Variants in EYA4 observed in about 807,000 individuals in gnomAD.
The protein encoded by EYA4 is protein phosphatase EYA4.
EYA4 carries 31 observed loss-of-function variants against 87.9 expected under a neutral mutation model. That is an observed-to-expected ratio of 0.35 (90% CI 0.27 to 0.48). The LOEUF is 0.48. EYA4 is among the 20% of genes least tolerant of loss of function. EYA4 has a pLI of 0.99. For synonymous variants in EYA4, 263 were observed against 270.6 expected (o/e 0.97, Z 0.28); for missense variants, 678 against 761.4 (o/e 0.89, Z 1.29).
intron 13 of EYA4, among the ~76,000 whole-genome samples, chr6:133,492,785 A>G (rs1797301030): frequency 6.6e-6 from 1 of 152,238 alleles, no homozygotes. Flanking sequence ...AACATACAAA[A>G]ATCAGAAGCA....
chr6:133,278,603 A>G (rs1777373961), intron 2 of EYA4, among the ~76,000 whole-genome samples: 1 of 152,210 alleles, frequency 6.6e-6, no homozygotes, highest in South Asian at 2.1e-4. Context: ...TTCTCAGAGT[A>G]GATTACTGAC....
chr6:133,382,564 G>C (rs1786316399), intron 3 of EYA4, 123 bp downstream of exon 3: 1 of 792,242 alleles, frequency 1.3e-6, no homozygotes. Context: ...AACTTATCTT[G>C]ATGGAAACTG....
chr6:133,462,276 C>A (rs1794463357), intron 7 of EYA4, 59 bp from the exon 8 acceptor site: 1 of 1,553,820 alleles, frequency 6.4e-7, no homozygotes, highest in Non-Finnish European at 8.9e-7. Flanking sequence ...TGAATCTAGG[C>A]TGTCTAAATT....
intron 2 of EYA4, among the ~76,000 whole-genome samples, chr6:133,337,254 G>A (rs1782438895): frequency 2.0e-5 from 3 of 152,150 alleles, no homozygotes; most frequent in Admixed American, 2.0e-4. Flanking sequence ...AGGCTATGCG[G>A]TAGACCTGAT....
chr6:133,244,487 T>C (rs191762041), intron 1 of EYA4, among the ~76,000 whole-genome samples: 1 of 152,062 alleles, frequency 6.6e-6, no homozygotes, highest in Non-Finnish European at 1.5e-5. Context: ...TTAAGAAAAA[T>C]AGATGCTGAA....
rs145320803 is a variant in EYA4, at chr6:133,448,188, G to A, written c.277+9G>A. Reference sequence around the variant, plus strand: ...CCCCTCTTCTGCAACAAGTATGAGAGATGCTGGTACACTGCATGTGTTTGG... The same window carrying A: ...CCCCTCTTCTGCAACAAGTATGAGAAATGCTGGTACACTGCATGTGTTTGG... On this transcript the variant is annotated intron_variant, in intron 5 of 19. Coordinates refer to ENST00000355286, the MANE Select transcript of EYA4 (RefSeq NM_004100.5). The A allele has an allele frequency of 1.1e-4, 174 of 1,605,618 alleles. No individual in the cohort carries two copies. In the African/African-American group the frequency reaches 2.1e-3, roughly 19 times the overall value.
intron 3 of EYA4, among the ~76,000 whole-genome samples, chr6:133,426,867 C>T (rs1398519130): frequency 6.6e-6 from 1 of 152,194 alleles, no homozygotes; most frequent in Non-Finnish European, 1.5e-5. Flanking sequence ...ATATCTATAT[C>T]TATCTATTTA....
At chr6:133,467,301 T>A (rs1036759894) in intron 10 of EYA4, among the ~76,000 whole-genome samples, 1 of 152,120 alleles carries the variant, frequency 6.6e-6, no homozygotes, top group South Asian at 2.1e-4. Flanking sequence ...GCTGTGTGAC[T>A]TTGTGCAAAT....
In EYA4 at chr6:133,456,611, G is replaced by T. The variant is rs780325672; in HGVS notation, c.333G>T (p.Thr111=). The T allele has an allele frequency of 1.2e-6, 2 of 1,613,616 alleles. No individual in the cohort carries two copies. The highest frequency in any genetic ancestry group is 1.1e-5 in the South Asian group (1 of 91,062). ...EPLNSSETTA[T]TGDGALDTFT... Reference sequence around the variant, plus strand: ...TGAACAGCAGTGAAACCACAGCCACGACTGGAGATGGAGCGCTTGACACTT... The same window carrying T: ...TGAACAGCAGTGAAACCACAGCCACTACTGGAGATGGAGCGCTTGACACTT... Residue 111 remains threonine (T), a synonymous_variant, in exon 6 of 20, where the codon ACG becomes ACT. Coordinates refer to ENST00000355286, the MANE Select transcript of EYA4 (RefSeq NM_004100.5).
chr6:133,497,120 A>G (rs1458173221), intron 13 of EYA4, among the ~76,000 whole-genome samples: 1 of 152,112 alleles, frequency 6.6e-6, no homozygotes, highest in Non-Finnish European at 1.5e-5. Flanking sequence ...AGCTTTTCCC[A>G]TCACCCTGTG....
At chr6:133,522,940 T>A (rs775594710) in intron 17 of EYA4, 116 bp from the exon 18 acceptor site, 6 of 840,604 alleles carry the variant, frequency 7.1e-6, no homozygotes, top group Non-Finnish European at 1.2e-5. Context: ...GCAATAGTAA[T>A]GAATTTTGAA....
chr6:133,368,682 T>C (rs1416868298), intron 2 of EYA4, among the ~76,000 whole-genome samples: 1 of 152,206 alleles, frequency 6.6e-6, no homozygotes, highest in East Asian at 1.9e-4. Flanking sequence ...ACATGCTTTG[T>C]GAACTTTGAT....
intron 3 of EYA4, among the ~76,000 whole-genome samples, chr6:133,433,270 T>TC (rs1791350510): frequency 6.6e-6 from 1 of 152,206 alleles, no homozygotes; most frequent in Non-Finnish European, 1.5e-5. Flanking sequence ...CAGAGTAACC[T>TC]CATAGTCTTT....
intron 3 of EYA4, among the ~76,000 whole-genome samples, chr6:133,412,371 G>A (rs79507446): frequency 0.051 from 7,819 of 152,112 alleles, 588 homozygotes; most frequent in African/African-American, 0.16. Flanking sequence ...CATGTAATCC[G>A]TACCCAGAGA....
intron 2 of EYA4, among the ~76,000 whole-genome samples, chr6:133,373,404 G>A (rs1351463794): frequency 6.6e-6 from 1 of 151,980 alleles, no homozygotes; most frequent in Non-Finnish European, 1.5e-5. Flanking sequence ...TAGGGGACTA[G>A]GTTAAATTTT....
chr6:133,374,664 G>A (rs1785537269), intron 2 of EYA4, among the ~76,000 whole-genome samples: 1 of 151,912 alleles, frequency 6.6e-6, no homozygotes, highest in Non-Finnish European at 1.5e-5. Context: ...AATAAATGGT[G>A]ATTTGGGCTT....
intron 13 of EYA4, among the ~76,000 whole-genome samples, chr6:133,483,397 T>A (rs1360648332): frequency 2.0e-5 from 3 of 151,998 alleles, no homozygotes; most frequent in Non-Finnish European, 4.4e-5. Context: ...AGAAAAAAAA[T>A]TGTAAATCGA....
chr6:133,486,788 A>G (rs999993519), intron 13 of EYA4, among the ~76,000 whole-genome samples: 2 of 152,146 alleles, frequency 1.3e-5, no homozygotes, highest in Non-Finnish European at 2.9e-5. Context: ...TGTAAACAAG[A>G]GAAAGAATAG....
intron 10 of EYA4, among the ~76,000 whole-genome samples, chr6:133,467,962 G>C (rs1051355796): frequency 3.9e-5 from 6 of 151,942 alleles, no homozygotes; most frequent in African/African-American, 1.2e-4. Context: ...TCATTGAAAA[G>C]TTCACTAAAG....
Sources: gnomAD v4.1 joint callset for allele counts (sites outside exome capture counted in the v4.1 genomes callset) on GRCh38, gnomAD v4.1.1 for gene constraint, MANE v1.5 for transcripts, NCBI Gene and HGNC (gene_info 2026-07-23, HGNC 2026-07-21) for gene names.